Variants in SLC4A10 observed in about 807,000 individuals in gnomAD.
The protein encoded by SLC4A10 is solute carrier family 4 member 10.
A neutral mutation model predicts 137.7 loss-of-function variants in SLC4A10; 42 were observed. The observed-to-expected ratio is 0.30, with a 90% CI of 0.24 to 0.39. SLC4A10 has a LOEUF of 0.39. Ranked by LOEUF, SLC4A10 falls within the 10% of genes least tolerant of loss-of-function variation. The pLI is 1.00. For missense variants in SLC4A10, 925 were observed against 1,355.0 expected, an observed-to-expected ratio of 0.68 and a Z score of 4.98; for synonymous variants, 474 against 464.1, an observed-to-expected ratio of 1.02 and a Z score of -0.27.
chr2:161,666,134 A>G (rs538482339), intron 1 of SLC4A10, among the ~76,000 whole-genome samples: 1 of 151,602 alleles, frequency 6.6e-6, no homozygotes, highest in South Asian at 2.1e-4. Context: ...GGTATCATAC[A>G]TTTTTGATAT....
intron 3 of SLC4A10, among the ~76,000 whole-genome samples, chr2:161,828,795 T>C (rs1055713774): frequency 1.6e-5 from 2 of 123,158 alleles, no homozygotes; most frequent in South Asian, 2.5e-4. Flanking sequence ...TATATATATA[T>C]ATATATATAT....
chr2:161,624,683 G>A, intron 1 of SLC4A10, 117 bp downstream of exon 1: 3 of 1,353,038 alleles, frequency 2.2e-6, no homozygotes, highest in Middle Eastern at 2.2e-4. Flanking sequence ...TAGCTCCTAC[G>A]ACATATGGAC....
chr2:161,952,650 A>G (rs1695001501), intron 19 of SLC4A10, among the ~76,000 whole-genome samples: 2 of 152,182 alleles, frequency 1.3e-5, no homozygotes, highest in South Asian at 4.1e-4. Flanking sequence ...CAGGCAGAAG[A>G]GTCAGCCTGT....
chr2:161,804,385 A>G, intron 2 of SLC4A10, 64 bp from the exon 3 acceptor site: 1 of 1,529,588 alleles, frequency 6.5e-7, no homozygotes, highest in Non-Finnish European at 8.9e-7. Context: ...TTAACATGTA[A>G]ATCATCATAT....
intron 2 of SLC4A10, among the ~76,000 whole-genome samples, chr2:161,777,007 A>G (rs1355696829): frequency 6.6e-6 from 1 of 151,674 alleles, no homozygotes; most frequent in Non-Finnish European, 1.5e-5. Context: ...TTGCATATCA[A>G]CTTTGAGAAA....
At chr2:161,899,643 A>T (rs1404038158) in intron 11 of SLC4A10, among the ~76,000 whole-genome samples, 4 of 152,118 alleles carry the variant, frequency 2.6e-5, no homozygotes, top group Non-Finnish European at 4.4e-5. Flanking sequence ...TTATCTAGTC[A>T]GTAGTATTTT....
At chr2:161,792,692 G>T (rs2054334730) in intron 2 of SLC4A10, among the ~76,000 whole-genome samples, 1 of 152,076 alleles carries the variant, frequency 6.6e-6, no homozygotes, top group South Asian at 2.1e-4. Flanking sequence ...CTACCAATTA[G>T]GACATGTCTC....
At chr2:161,640,651 TC>T (rs757795542) in intron 1 of SLC4A10, among the ~76,000 whole-genome samples, 29,974 of 104,954 alleles carry the variant, frequency 0.29, 4,267 homozygotes, top group Non-Finnish European at 0.37. Context: ...CTTCCTTCCT[TC>T]CTTCCTTCTT....
chr2:161,812,077 T>G (rs2056605509), intron 3 of SLC4A10, among the ~76,000 whole-genome samples: 1 of 152,088 alleles, frequency 6.6e-6, no homozygotes, highest in African/African-American at 2.4e-5. Flanking sequence ...CTTCAGTAAC[T>G]ATTGCAGATA....
chr2:161,983,168 T>C lies in SLC4A10; in HGVS notation c.*27-11T>C, dbSNP rs1700456382. On this transcript the variant is annotated splice_polypyrimidine_tract_variant and intron_variant, in intron 26 of 26. Transcript: ENST00000446997. ...TGCAGTAATAAATGTGTCCTTTTTT[T>C]CCTTCTGTAGCATTGAAAGCCGAAA... is the stretch of plus-strand genomic sequence containing the variant. 2 of 1,536,484 alleles carry C rather than the reference T, an allele frequency of 1.3e-6. No homozygotes were observed. Among genetic ancestry groups the C allele is most frequent in the Non-Finnish European group, 1.7e-6 (2 of 1,146,934 alleles).
At position 161,942,692 on chromosome 2, in the gene SLC4A10, G is replaced by A. The variant is rs577252743; in HGVS notation, c.1998-100G>A. On this transcript the variant is annotated intron_variant, in intron 15 of 26. Coordinates refer to ENST00000446997, the MANE Select transcript of SLC4A10 (RefSeq NM_001178015.2). ...CTAACTACTTGTCTGTCAAATAGAG[G>A]AATGCTGTGACTGGAGAAAATGGAG... 1.0e-4 allele frequency: 84 copies of A among 842,218 alleles called. No individual in the cohort carries two copies. The African/African-American group carries it at 1.3e-3, about 13-fold the overall frequency. The allele number at this position is 842,218 out of a possible 1,614,324, so 52.2% of individuals were successfully genotyped here. A position where few individuals can be genotyped will look rare whatever the true frequency, so the allele number is the denominator to read the frequency against.
In SLC4A10 at chr2:161,947,494, G is replaced by A; in HGVS notation, c.2104-72G>A. On this transcript the variant is annotated intron_variant, in intron 16 of 26. Coordinates refer to ENST00000446997, the MANE Select transcript of SLC4A10 (RefSeq NM_001178015.2). The stretch of plus-strand genomic sequence containing the variant: ...GCATCTGAACTACAATTGATCAGAA[G>A]GTGTTAGTTTTCTGCAAGAAATGTG... The A allele has an allele frequency of 8.9e-6, 13 of 1,464,850 alleles. No homozygotes were observed. The South Asian group carries it at 1.5e-4, about 16-fold the overall frequency. The allele number at this position is 1,464,850 out of a possible 1,614,324, so 90.7% of individuals were successfully genotyped here.
chr2:161,864,175 C>G (rs767204732), intron 6 of SLC4A10, among the ~76,000 whole-genome samples: 3 of 151,848 alleles, frequency 2.0e-5, no homozygotes, highest in Non-Finnish European at 4.4e-5. Flanking sequence ...GCACTCCAGC[C>G]TGGGCTACAC....
intron 15 of SLC4A10, among the ~76,000 whole-genome samples, chr2:161,928,207 T>G (rs2105585975): frequency 1.3e-5 from 2 of 148,786 alleles, no homozygotes; most frequent in East Asian, 4.0e-4. Flanking sequence ...AAATGATGAG[T>G]TCATGTCCTT....
chr2:161,868,225 C>CT (rs1408288823), intron 6 of SLC4A10, among the ~76,000 whole-genome samples: 1 of 151,624 alleles, frequency 6.6e-6, no homozygotes, highest in Non-Finnish European at 1.5e-5. Context: ...GAGAATATAC[C>CT]TTTTTTTCCA....
chr2:161,977,368 G>C (rs1699547872), intron 25 of SLC4A10: 5 of 462,912 alleles, frequency 1.1e-5, no homozygotes, highest in South Asian at 8.0e-5. Context: ...TTCAACTCCT[G>C]AAAGTTCTAT....
At chr2:161,979,953 C>T (rs1699984659) in intron 26 of SLC4A10, among the ~76,000 whole-genome samples, 1 of 152,182 alleles carries the variant, frequency 6.6e-6, no homozygotes, top group Non-Finnish European at 1.5e-5. Flanking sequence ...GTTTAACTGA[C>T]AGTAGAATCT....
chr2:161,841,826 T>C (rs2059203607), intron 4 of SLC4A10, among the ~76,000 whole-genome samples: 1 of 152,216 alleles, frequency 6.6e-6, no homozygotes, highest in Non-Finnish European at 1.5e-5. Context: ...ATTCACAGTA[T>C]CTCTTTTCAA....
intron 15 of SLC4A10, among the ~76,000 whole-genome samples, chr2:161,907,640 A>G (rs1684762968): frequency 6.6e-6 from 1 of 152,220 alleles, no homozygotes; most frequent in East Asian, 1.9e-4. Flanking sequence ...AGGTTCAGAG[A>G]AGGCTTCCTG....
Sources: gnomAD v4.1 joint callset for allele counts (sites outside exome capture counted in the v4.1 genomes callset) on GRCh38, gnomAD v4.1.1 for gene constraint, MANE v1.5 for transcripts, NCBI Gene and HGNC (gene_info 2026-07-23, HGNC 2026-07-21) for gene names.